HDAC4: variants seen among roughly 807,000 people sequenced by gnomAD.
HDAC4 encodes histone deacetylase A.
A neutral mutation model predicts 135.1 loss-of-function variants in HDAC4; 16 were observed. The ratio of observed to expected loss-of-function variants is 0.12; its 90% CI spans 0.08 to 0.18. HDAC4 has a LOEUF of 0.18. Ranked by LOEUF, HDAC4 falls within the 10% of genes least tolerant of loss-of-function variation. HDAC4 has a pLI of 1.00. For missense variants in HDAC4, 1,143 were observed against 1,511.8 expected, an observed-to-expected ratio of 0.76 and a Z score of 4.05; for synonymous variants, 685 against 653.4, an observed-to-expected ratio of 1.05 and a Z score of -0.74.
intron 9 of HDAC4, among the ~76,000 whole-genome samples, chr2:239,137,512 C>T (rs2041052529): frequency 6.6e-6 from 1 of 151,618 alleles, no homozygotes; most frequent in Non-Finnish European, 1.5e-5. Context: ...GGAGGAGGTG[C>T]CCGGCACACT....
chr2:239,119,166 C>CT (rs1282843385), intron 12 of HDAC4, among the ~76,000 whole-genome samples: 4 of 152,230 alleles, frequency 2.6e-5, no homozygotes, highest in Non-Finnish European at 5.9e-5. Context: ...ATGTGACTGA[C>CT]TGAGTGGTGT....
chr2:239,066,573 G>C lies in HDAC4; in HGVS notation c.3003+149C>G, dbSNP rs903564675. 10 of 1,000,786 alleles carry C rather than the reference G, an allele frequency of 1.0e-5. No individual in the cohort carries two copies. The Admixed American group carries it at 1.4e-4, about 14-fold the overall frequency. 62.0% of individuals were successfully genotyped at this position (1,000,786 alleles called of 1,614,324 possible). ...CTGCCACATTTAGAGCTATGCGGGGGTGGGGGGCAGGTGCAAGGCGGAGCT... is the reference window on the plus strand; with the variant it reads ...CTGCCACATTTAGAGCTATGCGGGGCTGGGGGGCAGGTGCAAGGCGGAGCT... On this transcript the variant is annotated intron_variant, in intron 24 of 26. Coordinates refer to ENST00000543185, the MANE Select transcript of HDAC4 (RefSeq NM_001378414.1).
chr2:239,107,795 A>G lies in HDAC4; in HGVS notation c.2112+255T>C, dbSNP rs7581656. 0.77 allele frequency among the ~76,000 whole-genome samples: 116,576 copies of G among 151,848 alleles called. 45,444 individuals carry two copies. Among genetic ancestry groups the G allele is most frequent in the South Asian group, 0.91 (4,370 of 4,810 alleles). On this transcript the variant is annotated intron_variant, in intron 15 of 26. Coordinates refer to ENST00000543185, the MANE Select transcript of HDAC4 (RefSeq NM_001378414.1). ...GCTAGGTGGGAGGTGGGAGCGAAAC[A>G]TCAGGAAAGGTCACAGACAGAGGCA...
chr2:239,082,346 C>T, intron 20 of HDAC4, 125 bp from the exon 21 acceptor site: 2 of 1,302,032 alleles, frequency 1.5e-6, no homozygotes, highest in Admixed American at 1.7e-5. Flanking sequence ...TGACATTACC[C>T]TCCAGCTGGG....
At chr2:239,241,461 G>GT (rs2048171489) in intron 2 of HDAC4, among the ~76,000 whole-genome samples, 1 of 152,150 alleles carries the variant, frequency 6.6e-6, no homozygotes, top group African/African-American at 2.4e-5. Context: ...TTTTTGACCT[G>GT]TTTTTTGCCC....
chr2:239,232,473 G>A (rs1419384415), intron 3 of HDAC4, among the ~76,000 whole-genome samples: 3 of 144,598 alleles, frequency 2.1e-5, no homozygotes, highest in Admixed American at 2.0e-4. Flanking sequence ...ACGAGCTCCC[G>A]CCCCCACCCC....
At position 239,146,003 on chromosome 2, in the gene HDAC4, G is replaced by A. The variant is rs1455976848; in HGVS notation, c.734-1289C>T. On this transcript the variant is annotated intron_variant, in intron 7 of 26. Coordinates refer to ENST00000543185, the MANE Select transcript of HDAC4 (RefSeq NM_001378414.1). The surrounding 1 kb of genome is among the most constrained non-coding windows in gnomAD (Gnocchi z 4.5). ...TTCCCAGAGAAACCAGAGAGGCGCT[G>A]TGAGAAGGTACCAGACTCTAAGCCT... is the stretch of plus-strand genomic sequence containing the variant. Among the ~76,000 whole-genome samples the A allele has an allele frequency of 6.6e-6, 1 of 152,194 alleles. No homozygotes were observed. Among genetic ancestry groups the A allele is most frequent in the Non-Finnish European group, 1.5e-5 (1 of 68,044 alleles).
chr2:239,326,106 A>C (rs2053462446), intron 2 of HDAC4, among the ~76,000 whole-genome samples: 1 of 152,234 alleles, frequency 6.6e-6, no homozygotes, highest in Non-Finnish European at 1.5e-5. Context: ...ATGGCCAAAA[A>C]GTTAAGACGG....
Position 239,068,707 on chromosome 2 carries a change from G to T in HDAC4, c.2751-100C>A. 1 of 1,024,450 alleles carries T rather than the reference G, an allele frequency of 9.8e-7. No homozygotes were observed. Among genetic ancestry groups the T allele is most frequent in the African/African-American group, 1.6e-5 (1 of 63,886 alleles). The allele number at this position is 1,024,450 out of a possible 1,614,324, so 63.5% of individuals were successfully genotyped here. On this transcript the variant is annotated intron_variant, in intron 22 of 26. Transcript: ENST00000543185. This position sits in a 1 kb window ranked among gnomAD's most constrained non-coding sequence, Gnocchi z 4.4. The stretch of plus-strand genomic sequence containing the variant: ...CTCTGGCATTGATAATGCCTGCCCC[G>T]CACCCCCTCGGCCACTGGCGGGCTG...
At chr2:239,156,858 T>A (rs1170314018) in intron 6 of HDAC4, 85 bp from the exon 7 acceptor site, 22 of 1,544,990 alleles carry the variant, frequency 1.4e-5, no homozygotes, top group Non-Finnish European at 2.0e-5. Flanking sequence ...CACACGATGA[T>A]CTTTCCCTTG....
rs552123697 is a variant in HDAC4 at position 239,240,401 on chromosome 2, A to C, written c.23-3737T>G. Among the ~76,000 whole-genome samples, 3 of 152,366 alleles carry C rather than the reference A, an allele frequency of 2.0e-5. No individual in the cohort carries two copies. Among genetic ancestry groups the C allele is most frequent in the Non-Finnish European group, 4.4e-5 (3 of 68,044 alleles). On this transcript the variant is annotated intron_variant, in intron 2 of 26. Coordinates refer to ENST00000543185, the MANE Select transcript of HDAC4 (RefSeq NM_001378414.1). The surrounding 1 kb of genome is among the most constrained non-coding windows in gnomAD (Gnocchi z 4.5). ...TCATATTCCAGAGTGAGTTAAAATGAAATTAGTGATGAGAGGTGGAATTTC... is the reference window on the plus strand; with the variant it reads ...TCATATTCCAGAGTGAGTTAAAATGCAATTAGTGATGAGAGGTGGAATTTC...
intron 3 of HDAC4, among the ~76,000 whole-genome samples, chr2:239,217,572 G>C (rs967631636): frequency 6.6e-6 from 1 of 152,164 alleles, no homozygotes; most frequent in Non-Finnish European, 1.5e-5. Flanking sequence ...AAGTGTCTGT[G>C]CCGACGGGCT....
intron 3 of HDAC4, among the ~76,000 whole-genome samples, chr2:239,207,980 T>C (rs1242840946): frequency 6.6e-6 from 1 of 151,868 alleles, no homozygotes; most frequent in Non-Finnish European, 1.5e-5. Flanking sequence ...AATCTAATAG[T>C]CTATAGAAAA....
intron 26 of HDAC4, 91 bp downstream of exon 26, chr2:239,053,369 T>G: frequency 6.6e-7 from 1 of 1,518,780 alleles, no homozygotes; most frequent in East Asian, 2.3e-5. Flanking sequence ...GGGCAGGGCA[T>G]GTGCCATAAA....
At chr2:239,185,225 T>G (rs2044467548) in intron 4 of HDAC4, among the ~76,000 whole-genome samples, 1 of 148,818 alleles carries the variant, frequency 6.7e-6, no homozygotes, top group Admixed American at 6.6e-5. Flanking sequence ...CCCATGGGGG[T>G]TGCCCTGTAT....
intron 2 of HDAC4, among the ~76,000 whole-genome samples, chr2:239,328,979 C>T (rs532321279): frequency 1.3e-5 from 2 of 152,364 alleles, no homozygotes; most frequent in East Asian, 1.9e-4. Flanking sequence ...TTGGCTGCTG[C>T]GAACCTGCCT....
intron 2 of HDAC4, among the ~76,000 whole-genome samples, chr2:239,275,140 G>A (rs1461291183): frequency 6.6e-6 from 1 of 150,746 alleles, no homozygotes; most frequent in South Asian, 2.1e-4. Context: ...GACGGGGATC[G>A]GGGGAAGAAA....
At chr2:239,291,883 A>G (rs1232812857) in intron 2 of HDAC4, among the ~76,000 whole-genome samples, 1 of 152,214 alleles carries the variant, frequency 6.6e-6, no homozygotes, top group African/African-American at 2.4e-5. Context: ...TTACATTTGC[A>G]TGAAAATAGA....
At chr2:239,198,397 C>T (rs758763626) in intron 3 of HDAC4, among the ~76,000 whole-genome samples, 5 of 152,160 alleles carry the variant, frequency 3.3e-5, no homozygotes, top group East Asian at 1.9e-4. Flanking sequence ...CTACTGTCCA[C>T]GAGAGGCGCC....
Sources: allele counts gnomAD v4.1 joint callset (sites outside exome capture counted in the v4.1 genomes callset), GRCh38; gene constraint gnomAD v4.1.1; non-coding constraint Gnocchi (gnomAD v3.1); transcripts MANE v1.5; gene names NCBI Gene and HGNC (gene_info 2026-07-23, HGNC 2026-07-21).